Variants in GYPC observed in about 807,000 individuals in gnomAD.
The protein encoded by GYPC is glycophorin-C.
Under a neutral mutation model 12.6 loss-of-function variants are expected in GYPC, and 14 were observed. The observed-to-expected ratio is 1.11, with a 90% CI of 0.74 to 1.74. The LOEUF is 1.74. Ranked by LOEUF, GYPC falls within the 40% of genes most tolerant of loss-of-function variation. GYPC has a pLI of 0.00. For synonymous variants in GYPC, 78 were observed against 62.1 expected (o/e 1.26, Z -1.20); for missense variants, 225 against 172.1 (o/e 1.31, Z -1.72).
chr2:126,662,005 G>A (rs1453155259), intron 1 of GYPC, among the ~76,000 whole-genome samples: 1 of 152,198 alleles, frequency 6.6e-6, no homozygotes, highest in Non-Finnish European at 1.5e-5. Flanking sequence ...CCACTGCCAG[G>A]GCGCCTCACA....
rs1329505954 is a variant in GYPC at position 126,656,326 on chromosome 2, G to A, written c.49+14G>A. On this transcript the variant is annotated intron_variant, in intron 1 of 3. Transcript: ENST00000259254. ...CTCTCAGCCTCGGTGAGTACCCGCC[G>A]TGGGGAAGGGTCCTGGGGACCCACT... is the stretch of plus-strand genomic sequence containing the variant. The A allele has an allele frequency of 2.5e-6, 4 of 1,585,868 alleles. No individual in the cohort carries two copies. Among genetic ancestry groups the A allele is most frequent in the South Asian group, 2.3e-5 (2 of 87,514 alleles).
intron 1 of GYPC, among the ~76,000 whole-genome samples, chr2:126,668,616 C>T (rs138642376): frequency 9.3e-4 from 142 of 152,328 alleles, no homozygotes; most frequent in South Asian, 1.7e-3. Flanking sequence ...AGAAGGTTTA[C>T]GCTCAAACTC....
chr2:126,678,847 C>T (rs1432963445), intron 1 of GYPC: 2 of 152,330 alleles, frequency 1.3e-5, no homozygotes, highest in Admixed American at 1.3e-4. Context: ...GCAGAATGTT[C>T]CCTCCTGCCT....
intron 1 of GYPC, among the ~76,000 whole-genome samples, chr2:126,659,912 C>G (rs1322971050): frequency 2.0e-5 from 3 of 152,014 alleles, no homozygotes; most frequent in Non-Finnish European, 4.4e-5. Context: ...GCCTCAACCT[C>G]CCAAGTAGCT....
chr2:126,686,062 G>A, intron 1 of GYPC: 2 of 984,894 alleles, frequency 2.0e-6, no homozygotes, highest in Non-Finnish European at 2.4e-6. Context: ...TGGCAGAGGG[G>A]AGCCATAGGA....
intron 1 of GYPC, among the ~76,000 whole-genome samples, chr2:126,672,169 C>T (rs1682872305): frequency 6.6e-6 from 1 of 152,084 alleles, no homozygotes; most frequent in Non-Finnish European, 1.5e-5. Flanking sequence ...TTACAGCATC[C>T]AGAATTCCAC....
chr2:126,663,393 C>T (rs899747912), intron 1 of GYPC, among the ~76,000 whole-genome samples: 16 of 152,182 alleles, frequency 1.1e-4, no homozygotes, highest in African/African-American at 3.9e-4. Context: ...AGAAAACACA[C>T]GCAGGCCCTG....
intron 1 of GYPC, chr2:126,686,349 C>T (rs530389227): frequency 1.0e-6 from 1 of 985,728 alleles, no homozygotes; most frequent in South Asian, 4.7e-5. Flanking sequence ...AGGGTTGTGC[C>T]TGTGTGCCCC....
chr2:126,656,460 C>A, intron 1 of GYPC, 148 bp downstream of exon 1: 1 of 657,804 alleles, frequency 1.5e-6, no homozygotes. Flanking sequence ...GGGCTCAGAT[C>A]CCCGACTCCA....
At position 126,696,147 on chromosome 2, in the gene GYPC, C is replaced by A; in HGVS notation, c.*5C>A. On this transcript the variant is annotated 3_prime_UTR_variant, in exon 4 of 4. Coordinates refer to ENST00000259254, the MANE Select transcript of GYPC (RefSeq NM_002101.5). ...AGAAAGGAGTACTTTATTTGAGGGA[C>A]AACAGACTTCACTTCCCTGAATGCC... The A allele has an allele frequency of 6.2e-7, 1 of 1,606,678 alleles. No homozygotes were observed. The highest frequency in any genetic ancestry group is 1.1e-5 in the South Asian group (1 of 90,922).
chr2:126,690,254 G>C lies in GYPC; in HGVS notation c.50-1G>C. 6.2e-7 allele frequency: 1 copy of C among 1,611,636 alleles called. No individual in the cohort carries two copies. Among genetic ancestry groups the C allele is most frequent in the African/African-American group, 1.3e-5 (1 of 74,980 alleles). On this transcript the variant is annotated splice_acceptor_variant, in intron 1 of 3. Coordinates refer to ENST00000259254, the MANE Select transcript of GYPC (RefSeq NM_002101.5). LOFTEE classifies it high-confidence loss of function. ...CTCAGATTCTTGTCCTCTGTTCACA[G>C]AGCCTGATCCGGGGATGGCCTCTGC...
chr2:126,682,825 A>C (rs1453582993), intron 1 of GYPC, among the ~76,000 whole-genome samples: 1 of 151,926 alleles, frequency 6.6e-6, no homozygotes, highest in African/African-American at 2.4e-5. Context: ...TCCAGTCCCT[A>C]CCCATCTCCA....
At chr2:126,683,041 G>A (rs532844519) in intron 1 of GYPC, among the ~76,000 whole-genome samples, 15 of 152,228 alleles carry the variant, frequency 9.9e-5, no homozygotes, top group African/African-American at 3.6e-4. Context: ...TTTGTGAACA[G>A]GTGAGATGGC....
chr2:126,675,134 GC>G (rs1573564906), intron 1 of GYPC, among the ~76,000 whole-genome samples: 1 of 151,870 alleles, frequency 6.6e-6, no homozygotes, highest in Non-Finnish European at 1.5e-5. Flanking sequence ...GCCCTACCAG[GC>G]CCCGCCACAA....
intron 1 of GYPC, among the ~76,000 whole-genome samples, chr2:126,689,865 C>T (rs888571138): frequency 2.0e-5 from 3 of 152,196 alleles, no homozygotes; most frequent in Non-Finnish European, 4.4e-5. Context: ...GACTGAGACA[C>T]CTGGTGTGAG....
intron 1 of GYPC, among the ~76,000 whole-genome samples, chr2:126,684,028 G>A (rs1317866750): frequency 2.0e-5 from 3 of 152,150 alleles, no homozygotes; most frequent in Admixed American, 6.5e-5. Context: ...TTTTGATACC[G>A]CAGCAGCAGA....
chr2:126,672,625 G>C lies in GYPC; in HGVS notation c.49+16313G>C, dbSNP rs557365965. Among the ~76,000 whole-genome samples the C allele has an allele frequency of 4.6e-5, 7 of 152,310 alleles. No individual in the cohort carries two copies. The South Asian group carries it at 1.2e-3, about 27-fold the overall frequency. ...GCATGGACCCCTCAACCGCAGCTCT[G>C]GGTCAGTGCGAGCCCTGGAGGCATC... is the stretch of plus-strand genomic sequence containing the variant. On this transcript the variant is annotated intron_variant, in intron 1 of 3. Transcript: ENST00000259254.
chr2:126,685,333 G>A (rs944437682), intron 1 of GYPC, among the ~76,000 whole-genome samples: 1 of 151,402 alleles, frequency 6.6e-6, no homozygotes, highest in Admixed American at 6.6e-5. Flanking sequence ...CCCCAAATCA[G>A]ATTTGCACAA....
chr2:126,686,270 A>G (rs1314966502), intron 1 of GYPC: 1 of 985,534 alleles, frequency 1.0e-6, no homozygotes, highest in Non-Finnish European at 1.2e-6. Context: ...ATCCATTGCA[A>G]CTGAGGTTCT....
Sources: gnomAD v4.1 joint callset for allele counts (sites outside exome capture counted in the v4.1 genomes callset) on GRCh38, gnomAD v4.1.1 for gene constraint, MANE v1.5 for transcripts, NCBI Gene and HGNC (gene_info 2026-07-23, HGNC 2026-07-21) for gene names.